Variants in GPC5 observed in about 807,000 individuals in gnomAD.
GPC5 encodes glypican-5.
A neutral mutation model predicts 53.9 loss-of-function variants in GPC5; 47 were observed. The observed-to-expected ratio is 0.87, with a 90% CI of 0.69 to 1.11. GPC5 has a LOEUF of 1.11. Among genes scored for constraint, GPC5 ranks in the 50% most tolerant of loss-of-function variants. GPC5 has a pLI of 0.00. For missense variants in GPC5, 748 were observed against 713.1 expected, an observed-to-expected ratio of 1.05 and a Z score of -0.56; for synonymous variants, 286 against 263.3, an observed-to-expected ratio of 1.09 and a Z score of -0.84.
At chr13:92,158,637 C>A (rs997859147) in intron 7 of GPC5, among the ~76,000 whole-genome samples, 12 of 152,066 alleles carry the variant, frequency 7.9e-5, no homozygotes, top group Admixed American at 7.2e-4. Context: ...TTCTAAATTT[C>A]TTTTCTTTCA....
chr13:92,040,443 A>G (rs1483514339), intron 6 of GPC5, among the ~76,000 whole-genome samples: 1 of 152,254 alleles, frequency 6.6e-6, no homozygotes, highest in Non-Finnish European at 1.5e-5. Context: ...CCAGAAAAGC[A>G]GTAAGCCGGT....
At chr13:91,822,595 A>AGACCTATTCACT (rs1177610733) in intron 5 of GPC5, among the ~76,000 whole-genome samples, 6 of 152,162 alleles carry the variant, frequency 3.9e-5, no homozygotes, top group Non-Finnish European at 1.5e-5. Flanking sequence ...AGATCTTGTG[A>AGACCTATTCACT]GACCTATTCA....
At chr13:91,516,808 A>G (rs1158869759) in intron 2 of GPC5, among the ~76,000 whole-genome samples, 1 of 152,178 alleles carries the variant, frequency 6.6e-6, no homozygotes, top group Non-Finnish European at 1.5e-5. Context: ...TCTGAAATCT[A>G]GGCAGAGGTT....
chr13:92,208,150 T>A (rs1021485347), intron 7 of GPC5, among the ~76,000 whole-genome samples: 26 of 152,198 alleles, frequency 1.7e-4, no homozygotes, highest in African/African-American at 6.3e-4. Flanking sequence ...GGTGGCCACC[T>A]CAAGCCAGTT....
chr13:92,257,545 G>GTTTTTTTTTTTTTTTTTTTTTTTT (rs1566507028), intron 7 of GPC5, among the ~76,000 whole-genome samples: 2 of 50,052 alleles, frequency 4.0e-5, no homozygotes, highest in African/African-American at 1.2e-4. Context: ...CTAATACAGG[G>GTTTTTTTTTTTTTTTTTTTTTTTT]ATTTTTTTTT....
intron 7 of GPC5, among the ~76,000 whole-genome samples, chr13:92,412,332 A>C (rs1443055433): frequency 6.6e-6 from 1 of 152,186 alleles, no homozygotes; most frequent in Non-Finnish European, 1.5e-5. Context: ...TGAGTAAAAC[A>C]GACAACCCTA....
intron 2 of GPC5, among the ~76,000 whole-genome samples, chr13:91,689,587 C>T (rs1216917083): frequency 6.6e-6 from 1 of 150,924 alleles, no homozygotes; most frequent in Non-Finnish European, 1.5e-5. Flanking sequence ...TATATCCTCA[C>T]TCTATAAGCT....
intron 2 of GPC5, among the ~76,000 whole-genome samples, chr13:91,491,908 C>T (rs1210047210): frequency 1.3e-5 from 2 of 152,166 alleles, no homozygotes; most frequent in East Asian, 3.9e-4. Context: ...TCACAGGTTC[C>T]TGATAGATAT....
At chr13:91,831,158 A>G (rs1301798918) in intron 5 of GPC5, among the ~76,000 whole-genome samples, 1 of 148,988 alleles carries the variant, frequency 6.7e-6, no homozygotes, top group Non-Finnish European at 1.5e-5. Context: ...CACAATCATA[A>G]AGTCCCACAA....
At chr13:92,513,284 A>G (rs1403058063) in intron 7 of GPC5, among the ~76,000 whole-genome samples, 2 of 152,188 alleles carry the variant, frequency 1.3e-5, no homozygotes, top group South Asian at 2.1e-4. Flanking sequence ...TTAGGGGTCT[A>G]TTAAACATAG....
intron 6 of GPC5, among the ~76,000 whole-genome samples, chr13:92,002,894 A>G (rs1477227547): frequency 1.3e-5 from 2 of 152,190 alleles, no homozygotes; most frequent in African/African-American, 4.8e-5. Flanking sequence ...GGGTGGATGG[A>G]TGTAACCACA....
chr13:91,723,404 A>G (rs1053399908), intron 3 of GPC5, among the ~76,000 whole-genome samples: 2 of 151,672 alleles, frequency 1.3e-5, no homozygotes, highest in Admixed American at 6.6e-5. Context: ...TTGATCTCCA[A>G]TCTATTATTT....
chr13:92,802,691 C>T (rs938797308), intron 7 of GPC5, among the ~76,000 whole-genome samples: 5 of 151,716 alleles, frequency 3.3e-5, no homozygotes, highest in African/African-American at 1.2e-4. Context: ...TGCAAACTAT[C>T]GCAAGGACAA....
chr13:91,594,924 G>A (rs2139186545), intron 2 of GPC5, among the ~76,000 whole-genome samples: 1 of 151,920 alleles, frequency 6.6e-6, no homozygotes, highest in East Asian at 1.9e-4. Flanking sequence ...TCCATCTTGA[G>A]CTCCCAAAGT....
intron 2 of GPC5, among the ~76,000 whole-genome samples, chr13:91,541,995 AT>A (rs201081527): frequency 7.1e-6 from 1 of 140,858 alleles, no homozygotes; most frequent in South Asian, 2.3e-4. Flanking sequence ...ACATATTGTG[AT>A]TTTTTCCCAT....
rs780447323 is a variant in GPC5, at chr13:91,879,088, A to C, written c.1281-28849A>C. Among the ~76,000 whole-genome samples the C allele has an allele frequency of 5.7e-4, 86 of 152,022 alleles. 1 individual carries two copies. Among genetic ancestry groups the C allele is most frequent in the Non-Finnish European group, 1.5e-4 (10 of 68,014 alleles). On this transcript the variant is annotated intron_variant, in intron 5 of 7. Coordinates refer to ENST00000377067, the MANE Select transcript of GPC5 (RefSeq NM_004466.6). ...ACAGAGAACTTATAACTGAAGTATT[A>C]GTTTTTGAAAAAAAACTATTATCAT...
chr13:91,641,294 G>C (rs193189164), intron 2 of GPC5, among the ~76,000 whole-genome samples: 3 of 152,304 alleles, frequency 2.0e-5, no homozygotes, highest in Admixed American at 6.5e-5. Flanking sequence ...CGCCACTGCA[G>C]TCCAGCCTGG....
chr13:92,034,654 T>C (rs1209807756), intron 6 of GPC5, among the ~76,000 whole-genome samples: 1 of 152,206 alleles, frequency 6.6e-6, no homozygotes, highest in Non-Finnish European at 1.5e-5. Flanking sequence ...GTTCACTTTA[T>C]ATTTATTATG....
At chr13:92,773,797 T>G (rs1875696924) in intron 7 of GPC5, among the ~76,000 whole-genome samples, 1 of 152,188 alleles carries the variant, frequency 6.6e-6, no homozygotes, top group Admixed American at 6.5e-5. Flanking sequence ...GCTTTTGTAT[T>G]AGTTGGTTCT....
Sources: allele counts gnomAD v4.1 joint callset (sites outside exome capture counted in the v4.1 genomes callset), GRCh38; gene constraint gnomAD v4.1.1; transcripts MANE v1.5; gene names NCBI Gene and HGNC (gene_info 2026-07-23, HGNC 2026-07-21).